The following MARCHF3 variants were observed in gnomAD, a reference collection of about 807,000 sequenced individuals.
MARCHF3 encodes E3 ubiquitin-protein ligase MARCHF3.
Under a neutral mutation model 24.2 loss-of-function variants are expected in MARCHF3, and 13 were observed. That is an observed-to-expected ratio of 0.54 (90% confidence interval 0.35 to 0.85). The LOEUF is 0.85. Ranked by LOEUF, MARCHF3 falls within the 40% of genes least tolerant of loss-of-function variation. The pLI, the probability that MARCHF3 is intolerant of heterozygous loss-of-function variation, is 0.01. For missense variants in MARCHF3, 276 were observed against 325.0 expected (o/e 0.85, Z 1.16); for synonymous variants, 144 against 137.3 (o/e 1.05, Z -0.34).
At position 127,018,094 on chromosome 5, in the gene MARCHF3, C is replaced by T. The variant is rs144951905; in HGVS notation, c.-57+12256G>A. 1.7e-3 allele frequency among the ~76,000 whole-genome samples: 259 copies of T among 152,252 alleles called. 1 individual carries two copies. The highest frequency in any genetic ancestry group is 5.9e-3 in the African/African-American group (244 of 41,558). Reference sequence around the variant, plus strand: ...CAAATTACATAAGATTGTGAAGCCACGTGCGGCAGCTCATGCCTGCAATCC... The same window carrying T: ...CAAATTACATAAGATTGTGAAGCCATGTGCGGCAGCTCATGCCTGCAATCC... On this transcript the variant is annotated intron_variant, in intron 1 of 4. Transcript: ENST00000308660.
At chr5:126,963,705 A>C (rs1380196903) in intron 1 of MARCHF3, among the ~76,000 whole-genome samples, 3 of 152,240 alleles carry the variant, frequency 2.0e-5, no homozygotes, top group Non-Finnish European at 4.4e-5. Context: ...GTTTTTAAGC[A>C]GCTGAAAAAG....
At chr5:126,974,046 C>T (rs1404614661) in intron 1 of MARCHF3, among the ~76,000 whole-genome samples, 2 of 151,458 alleles carry the variant, frequency 1.3e-5, no homozygotes, top group Non-Finnish European at 2.9e-5. Context: ...TACAGGCGCC[C>T]GCCACCGCGC....
At chr5:126,939,169 G>A (rs1340342999) in intron 1 of MARCHF3, among the ~76,000 whole-genome samples, 4 of 152,242 alleles carry the variant, frequency 2.6e-5, no homozygotes, top group African/African-American at 7.2e-5. Flanking sequence ...GATTATAACA[G>A]GTGAACTCAA....
rs1395237708 is a variant in MARCHF3 at position 126,878,340 on chromosome 5, C to T, written c.448G>A (p.Val150Met). 6.2e-7 allele frequency: 1 copy of T among 1,614,196 alleles called. No homozygotes were observed. The highest frequency in any genetic ancestry group is 2.2e-5 in the East Asian group (1 of 44,886). Residue 150 changes from valine to methionine, a missense_variant, in exon 4 of 5, where the codon GTG (valine) becomes ATG (methionine). Val to Met is a conservative substitution (Grantham distance 21, BLOSUM62 1). Coordinates refer to ENST00000308660, the MANE Select transcript of MARCHF3 (RefSeq NM_178450.5). ...AGGGGAGTTATAAACAAGAAGCACA[C>T]CATGTCGCCAAACAGAGTCCGCTTC... ...HEKRTLFGDM[V>M]CFLFITPLAT...
chr5:126,999,971 TTAGAATATATATTACA>T (rs1440887094), intron 1 of MARCHF3, among the ~76,000 whole-genome samples: 8 of 150,356 alleles, frequency 5.3e-5, no homozygotes, highest in Non-Finnish European at 1.0e-4. Flanking sequence ...GTTATTAATA[TTAGAATATATATTACA>T]TAGAATATAT....
rs114608217 is a variant in MARCHF3, at chr5:126,917,301, A to G, written c.188+683T>C. ...TAGCTCCCTATCCAACAAGAGCACA[A>G]GAGGAGACAAAGTGCTGGTCAGGAT... On this transcript the variant is annotated intron_variant, in intron 2 of 4. Coordinates refer to ENST00000308660, the MANE Select transcript of MARCHF3 (RefSeq NM_178450.5). Among the ~76,000 whole-genome samples, 1,316 of 152,344 alleles carry G rather than the reference A, an allele frequency of 8.6e-3. 20 individuals are homozygous for G. The highest frequency in any genetic ancestry group is 0.03 in the African/African-American group (1,246 of 41,576).
intron 1 of MARCHF3, among the ~76,000 whole-genome samples, chr5:126,981,682 T>C (rs961101933): frequency 1.3e-5 from 2 of 152,216 alleles, no homozygotes; most frequent in African/African-American, 4.8e-5. Flanking sequence ...TGCACAAAAT[T>C]TCCCTCTCAC....
chr5:126,964,378 G>A (rs1200240048), intron 1 of MARCHF3, among the ~76,000 whole-genome samples: 1 of 152,128 alleles, frequency 6.6e-6, no homozygotes, highest in Non-Finnish European at 1.5e-5. Context: ...TTATTTATTG[G>A]TATGATTCTT....
intron 3 of MARCHF3, among the ~76,000 whole-genome samples, chr5:126,913,965 C>G (rs1218543808): frequency 6.6e-6 from 1 of 150,464 alleles, no homozygotes; most frequent in Admixed American, 6.6e-5. Context: ...TTTACTGTTG[C>G]CAATATCCAA....
chr5:126,915,638 ACTG>A (rs1754701576), intron 2 of MARCHF3, among the ~76,000 whole-genome samples: 1 of 152,166 alleles, frequency 6.6e-6, no homozygotes, highest in Non-Finnish European at 1.5e-5. Context: ...ACTACACAGA[ACTG>A]CAGTCTGAGC....
intron 1 of MARCHF3, among the ~76,000 whole-genome samples, chr5:126,919,865 C>A (rs543648045): frequency 1.3e-5 from 2 of 152,328 alleles, no homozygotes; most frequent in Admixed American, 1.3e-4. Flanking sequence ...CCTTCTGAAC[C>A]CACAGTGGGG....
At chr5:126,954,151 C>T (rs1328093146) in intron 1 of MARCHF3, among the ~76,000 whole-genome samples, 1 of 151,694 alleles carries the variant, frequency 6.6e-6, no homozygotes, top group East Asian at 1.9e-4. Context: ...TCCTGCCTCA[C>T]CCTCCCGAGT....
chr5:126,886,975 C>T (rs1753529683), intron 3 of MARCHF3, among the ~76,000 whole-genome samples: 1 of 152,324 alleles, frequency 6.6e-6, no homozygotes. Context: ...TCCCTGGTCA[C>T]CACTATTCCC....
At position 126,917,911 on chromosome 5, in the gene MARCHF3, C is replaced by T. The variant is rs527918573; in HGVS notation, c.188+73G>A. 2.7e-6 allele frequency: 4 copies of T among 1,489,382 alleles called. No individual in the cohort carries two copies. The African/African-American group carries it at 5.5e-5, about 21-fold the overall frequency. The allele number at this position is 1,489,382 out of a possible 1,614,324, so 92.3% of individuals were successfully genotyped here. On this transcript the variant is annotated intron_variant, in intron 2 of 4. Coordinates refer to ENST00000308660, the MANE Select transcript of MARCHF3 (RefSeq NM_178450.5). ...AAGACCTGAGCACTAATTACATTCC[C>T]ATTAGCATTTTCCATCTGACAAAGA...
intron 1 of MARCHF3, among the ~76,000 whole-genome samples, chr5:126,994,932 G>A (rs764384752): frequency 2.6e-5 from 4 of 152,342 alleles, no homozygotes; most frequent in African/African-American, 7.2e-5. Flanking sequence ...TCTGATGTTC[G>A]AGGGCAGAAA....
At chr5:126,899,592 T>C (rs760966212) in intron 3 of MARCHF3, among the ~76,000 whole-genome samples, 19 of 152,106 alleles carry the variant, frequency 1.2e-4, no homozygotes, top group Non-Finnish European at 2.2e-4. Context: ...AGAAAGGCTA[T>C]GTAAAGTCAC....
chr5:127,018,752 C>T (rs1348515113), intron 1 of MARCHF3, among the ~76,000 whole-genome samples: 1 of 152,178 alleles, frequency 6.6e-6, no homozygotes, highest in African/African-American at 2.4e-5. Flanking sequence ...CCCTGTAAGC[C>T]ATGGTAGTCT....
chr5:126,960,665 G>A (rs1750610232), intron 1 of MARCHF3, among the ~76,000 whole-genome samples: 1 of 151,930 alleles, frequency 6.6e-6, no homozygotes, highest in Admixed American at 6.6e-5. Flanking sequence ...CTACTGTTTT[G>A]ATGACTTAAA....
intron 1 of MARCHF3, among the ~76,000 whole-genome samples, chr5:126,938,533 C>CA (rs1749722318): frequency 7.3e-6 from 1 of 137,552 alleles, no homozygotes; most frequent in African/African-American, 2.7e-5. Context: ...ACATGTAGGG[C>CA]AAAAAAAGCA....
Sources: gnomAD v4.1 joint callset for allele counts (sites outside exome capture counted in the v4.1 genomes callset) on GRCh38, gnomAD v4.1.1 for gene constraint, MANE v1.5 for transcripts, NCBI Gene and HGNC (gene_info 2026-07-23, HGNC 2026-07-21) for gene names.